The following TP53BP1 variants were observed in gnomAD, a reference collection of about 807,000 sequenced individuals.
The protein encoded by TP53BP1 is tumor protein p53 binding protein 1, also known as TP53-binding protein 1.
TP53BP1 carries 61 observed loss-of-function variants against 200.8 expected under a neutral mutation model. The observed-to-expected ratio is 0.30, with a 90% CI of 0.25 to 0.38. The LOEUF (loss-of-function observed/expected upper bound fraction) is 0.38, where lower values mean the gene tolerates loss of function less well. Ranked by LOEUF, TP53BP1 falls within the 10% of genes least tolerant of loss-of-function variation. The pLI, the probability that TP53BP1 is intolerant of heterozygous loss-of-function variation, is 1.00. For missense variants in TP53BP1, 2,144 were observed against 2,371.9 expected (o/e 0.90, Z 2.00); for synonymous variants, 822 against 844.3 (o/e 0.97, Z 0.46).
chr15:43,457,396 G>A (rs1595580340), intron 11 of TP53BP1, among the ~76,000 whole-genome samples, 178 bp from the exon 12 acceptor site: 1 of 152,124 alleles, frequency 6.6e-6, no homozygotes. Flanking sequence ...GCCAGGAGCA[G>A]TGGCACATGC....
At chr15:43,409,284 T>C in intron 25 of TP53BP1, 188 bp from the exon 26 acceptor site, 1 of 616,138 alleles carries the variant, frequency 1.6e-6, no homozygotes, top group South Asian at 2.0e-5. Flanking sequence ...AGATGTTCTC[T>C]CTGCCTCACC....
At chr15:43,472,444 G>A (rs927772172) in intron 10 of TP53BP1, among the ~76,000 whole-genome samples, 2 of 152,166 alleles carry the variant, frequency 1.3e-5, no homozygotes, top group Non-Finnish European at 2.9e-5. Context: ...AGGAGACTAG[G>A]TCAGAGCAAA....
At chr15:43,499,020 A>AAC (rs2079195938) in intron 1 of TP53BP1, among the ~76,000 whole-genome samples, 1 of 138,646 alleles carries the variant, frequency 7.2e-6, no homozygotes. Flanking sequence ...CAACAACAAC[A>AAC]AAAAAAAAAA....
In TP53BP1 at chr15:43,429,809, A is replaced by T. The variant is rs539931283; in HGVS notation, c.3676-1641T>A. Among the ~76,000 whole-genome samples the T allele has an allele frequency of 9.8e-5, 15 of 152,302 alleles. No homozygotes were observed. In the South Asian group the frequency reaches 3.1e-3, roughly 32 times the overall value. ...AGCACAGGTCTGTCCTACCTCAATCATCAGGGTACCCATGCATGAGAACTA... is the reference window on the plus strand; with the variant it reads ...AGCACAGGTCTGTCCTACCTCAATCTTCAGGGTACCCATGCATGAGAACTA... On this transcript the variant is annotated intron_variant, in intron 17 of 27. Transcript: ENST00000382044.
rs1038098787 is a variant in TP53BP1 at position 43,405,328 on chromosome 15, A to C, written c.*2055T>G. 4 of 1,219,570 alleles carry C rather than the reference A, an allele frequency of 3.3e-6. No homozygotes were observed. In the African/African-American group the frequency reaches 6.0e-5, roughly 18 times the overall value. The allele number at this position is 1,219,570 out of a possible 1,614,324, so 75.5% of individuals were successfully genotyped here. A position where few individuals can be genotyped will look rare whatever the true frequency, so the allele number is the denominator to read the frequency against. On this transcript the variant is annotated 3_prime_UTR_variant, in exon 28 of 28. Coordinates refer to ENST00000382044, the MANE Select transcript of TP53BP1 (RefSeq NM_001141980.3). ...TAAATATCTGCGGCTTAGTGATAGG[A>C]CTCTACCTTTTCTCCTAGAAGCAGT...
rs1455919525 is a variant in TP53BP1 at position 43,446,478 on chromosome 15, G to A, written c.2949C>T (p.Ala983=). The A allele has an allele frequency of 1.2e-6, 2 of 1,614,032 alleles. No homozygotes were observed. Among genetic ancestry groups the A allele is most frequent in the South Asian group, 2.2e-5 (2 of 91,068 alleles). ...GACATAATTTATCATCCACGTCTGG[G>A]GCAGCCCCAGAATCCCCTTTTCCAC... ...LGSGKGDSGA[A]PDVDDKLCLR... Residue 983 remains alanine (A), a synonymous_variant, in exon 14 of 28, where the codon GCC becomes GCT. Coordinates refer to ENST00000382044, the MANE Select transcript of TP53BP1 (RefSeq NM_001141980.3).
At position 43,407,924 on chromosome 15, in the gene TP53BP1, C is replaced by T; in HGVS notation, c.5746+19G>A. 6.2e-7 allele frequency: 1 copy of T among 1,605,728 alleles called. No individual in the cohort carries two copies. Among genetic ancestry groups the T allele is most frequent in the Non-Finnish European group, 8.5e-7 (1 of 1,178,280 alleles). On this transcript the variant is annotated intron_variant, in intron 27 of 27. Coordinates refer to ENST00000382044, the MANE Select transcript of TP53BP1 (RefSeq NM_001141980.3). ...GGAGATCCCTGGAACAAAGACACTA[C>T]ACACACTCTTTCAGGTACCTTTGTT...
chr15:43,423,540 C>T (rs1595535602), intron 18 of TP53BP1, among the ~76,000 whole-genome samples: 4 of 151,638 alleles, frequency 2.6e-5, no homozygotes, highest in South Asian at 2.1e-4. Context: ...TCCTGTACTC[C>T]CAGGTACTCG....
In TP53BP1 at chr15:43,403,518, C is replaced by A; in HGVS notation, c.*3865G>T. On this transcript the variant is annotated 3_prime_UTR_variant, in exon 28 of 28. Coordinates refer to ENST00000382044, the MANE Select transcript of TP53BP1 (RefSeq NM_001141980.3). ...ATGCATTTGTTTTACGCATTTTGTG[C>A]GTCTGAGGGGCTGGCAGGCCTTGCA... The A allele has an allele frequency of 1.7e-6, 1 of 579,584 alleles. No homozygotes were observed. Among genetic ancestry groups the A allele is most frequent in the Non-Finnish European group, 3.1e-6 (1 of 322,368 alleles). The allele number at this position is 579,584 out of a possible 1,614,324, so 35.9% of individuals were successfully genotyped here.
At chr15:43,477,441 TCTCA>T (rs1449786948) in intron 8 of TP53BP1, 148 bp downstream of exon 8, 2 of 625,240 alleles carry the variant, frequency 3.2e-6, no homozygotes, top group Non-Finnish European at 5.2e-6. Flanking sequence ...AAAAAGCCCT[TCTCA>T]CTAATTACTA....
chr15:43,435,668 A>C (rs2045777907), intron 16 of TP53BP1, among the ~76,000 whole-genome samples: 1 of 151,924 alleles, frequency 6.6e-6, no homozygotes, highest in South Asian at 2.1e-4. Context: ...TGAGCATAGA[A>C]ATTTAGAAAT....
At position 43,414,960 on chromosome 15, in the gene TP53BP1, G is replaced by A. The variant is rs548101008; in HGVS notation, c.5089+634C>T. Among the ~76,000 whole-genome samples the A allele has an allele frequency of 2.6e-5, 4 of 152,058 alleles. No individual in the cohort carries two copies. The South Asian group carries it at 6.2e-4, about 24-fold the overall frequency. ...TGACCTCAAGTGATCCCCCAACCTC[G>A]GCCTCCCAAAGTGCTGGGACTACAG... is the stretch of plus-strand genomic sequence containing the variant. On this transcript the variant is annotated intron_variant, in intron 23 of 27. Transcript: ENST00000382044.
chr15:43,469,653 C>T (rs996035081), intron 11 of TP53BP1, among the ~76,000 whole-genome samples: 7 of 151,834 alleles, frequency 4.6e-5, no homozygotes, highest in Admixed American at 4.6e-4. Context: ...AAAGTTTAAA[C>T]ATAAAAAAAA....
At chr15:43,485,609 G>A (rs752033292) in intron 4 of TP53BP1, among the ~76,000 whole-genome samples, 61 of 119,660 alleles carry the variant, frequency 5.1e-4, no homozygotes, top group Non-Finnish European at 8.8e-4. Context: ...TTGGGAGGCC[G>A]AGATGGGCAG....
chr15:43,406,803 G>C lies in TP53BP1; in HGVS notation c.*580C>G. The stretch of plus-strand genomic sequence containing the variant: ...ATCTTACGGAAGGTCATTCCATCAA[G>C]CTTATGGTCACTGTCCCTTCATGGC... On this transcript the variant is annotated 3_prime_UTR_variant, in exon 28 of 28. Transcript: ENST00000382044. The C allele has an allele frequency of 2.9e-6, 1 of 349,326 alleles. No homozygotes were observed. The highest frequency in any genetic ancestry group is 5.6e-6 in the Non-Finnish European group (1 of 179,074). 21.6% of individuals were successfully genotyped at this position (349,326 alleles called of 1,614,324 possible).
intron 12 of TP53BP1, among the ~76,000 whole-genome samples, chr15:43,448,939 C>G (rs755693568): frequency 6.6e-6 from 1 of 151,916 alleles, no homozygotes; most frequent in Non-Finnish European, 1.5e-5. Context: ...CCAGCCTGGC[C>G]AAAATAATGA....
chr15:43,450,276 TTC>T (rs2046136627), intron 12 of TP53BP1, among the ~76,000 whole-genome samples: 1 of 152,218 alleles, frequency 6.6e-6, no homozygotes, highest in South Asian at 2.1e-4. Flanking sequence ...TCTCCTAACT[TTC>T]TGTTATAGTT....
intron 1 of TP53BP1, among the ~76,000 whole-genome samples, chr15:43,509,495 G>A (rs930975900): frequency 2.0e-4 from 30 of 152,058 alleles, no homozygotes; most frequent in Admixed American, 1.0e-3. Flanking sequence ...TGCAACCTTC[G>A]CCTCCCGGGT....
At chr15:43,485,086 T>A (rs2079027058) in intron 4 of TP53BP1, among the ~76,000 whole-genome samples, 1 of 152,212 alleles carries the variant, frequency 6.6e-6, no homozygotes, top group Non-Finnish European at 1.5e-5. Flanking sequence ...ACTTTGTTGC[T>A]TCCTCTCCCC....
Sources: allele counts gnomAD v4.1 joint callset (sites outside exome capture counted in the v4.1 genomes callset), GRCh38; gene constraint gnomAD v4.1.1; transcripts MANE v1.5; gene names NCBI Gene and HGNC (gene_info 2026-07-23, HGNC 2026-07-21).